TIMELESS: variants seen among roughly 807,000 people sequenced by gnomAD.
The protein encoded by TIMELESS is protein timeless homolog.
TIMELESS carries 124 observed loss-of-function variants against 164.3 expected under a neutral mutation model. The ratio of observed to expected loss-of-function variants is 0.75; its 90% CI spans 0.65 to 0.88. TIMELESS has a LOEUF of 0.88. TIMELESS is among the 40% of genes least tolerant of loss of function. The probability of loss-of-function intolerance (pLI) is 0.00; values close to 1 mark genes in which losing one functional copy is unlikely to be tolerated. For synonymous variants in TIMELESS, 564 were observed against 563.4 expected (o/e 1.00, Z -0.02); for missense variants, 1,422 against 1,491.4 (o/e 0.95, Z 0.77).
intron 1 of TIMELESS, among the ~76,000 whole-genome samples, chr12:56,448,609 A>G (rs1868436234): frequency 6.6e-6 from 1 of 150,746 alleles, no homozygotes; most frequent in African/African-American, 2.4e-5. Context: ...CGCGCCTGTA[A>G]TCCCAGCTAC....
At chr12:56,420,029 A>AATATATATATATAT (rs1555176448) in intron 26 of TIMELESS, among the ~76,000 whole-genome samples, 3 of 75,188 alleles carry the variant, frequency 4.0e-5, no homozygotes, top group African/African-American at 2.0e-4. Context: ...AAAAAAAAAA[A>AATATATATATATAT]ATATATATAT....
intron 19 of TIMELESS, 34 bp downstream of exon 19, chr12:56,422,813 A>C (rs1592244901): frequency 2.8e-5 from 38 of 1,356,938 alleles, no homozygotes; most frequent in Non-Finnish European, 3.5e-5. Flanking sequence ...AACTTCCCCT[A>C]CCCCCACCCA....
chr12:56,435,912 T>C (rs933693325), intron 1 of TIMELESS, among the ~76,000 whole-genome samples: 4 of 149,698 alleles, frequency 2.7e-5, no homozygotes, highest in African/African-American at 4.9e-5. Context: ...TGAGCAGAGA[T>C]TGTACCACTG....
In TIMELESS at chr12:56,430,297, G is replaced by A. The variant is rs999938680; in HGVS notation, c.910-16C>T. 3.1e-6 allele frequency: 5 copies of A among 1,607,644 alleles called. No homozygotes were observed. In the African/African-American group the frequency reaches 5.4e-5, roughly 17 times the overall value. The stretch of plus-strand genomic sequence containing the variant: ...AGTTTCGTAGCTGGGTGTGTCGGTT[G>A]GGGGATTAGAATTACTCCTAAATAC... On this transcript the variant is annotated splice_polypyrimidine_tract_variant and intron_variant, in intron 9 of 28. Coordinates refer to ENST00000553532, the MANE Select transcript of TIMELESS (RefSeq NM_003920.5).
intron 26 of TIMELESS, among the ~76,000 whole-genome samples, chr12:56,419,457 G>GGCGTGT: frequency 2.7e-5 from 1 of 36,976 alleles, no homozygotes; most frequent in South Asian, 1.5e-3. Context: ...TAAGACAGAT[G>GGCGTGT]GAGTGTGTGT....
At chr12:56,435,383 G>C (rs1016402643) in intron 1 of TIMELESS, among the ~76,000 whole-genome samples, 3 of 151,934 alleles carry the variant, frequency 2.0e-5, no homozygotes, top group African/African-American at 7.3e-5. Context: ...AAGAGAAACA[G>C]GGTTTCACTC....
rs1385766035 is a variant in TIMELESS at position 56,423,875 on chromosome 12, C to T, written c.1888G>A (p.Asp630Asn). ...GAAATGTCTTGAGAGCCAAACACAT[C>T]TCCTTCAGGCCACACCTCCCTGGAG... ...RSAREVWPEG[D>N]VFGSQDISPE... is the part of the protein sequence containing the mutation. Residue 630 changes from aspartate (D) to asparagine (N), a missense_variant, in exon 16 of 29, where the codon GAT (aspartate) becomes AAT (asparagine). Transcript: ENST00000553532. The T allele has an allele frequency of 1.2e-6, 2 of 1,614,062 alleles. No individual in the cohort carries two copies. Among genetic ancestry groups the T allele is most frequent in the East Asian group, 4.5e-5 (2 of 44,902 alleles).
chr12:56,440,603 C>T (rs1415766219), intron 1 of TIMELESS, among the ~76,000 whole-genome samples: 2 of 152,164 alleles, frequency 1.3e-5, no homozygotes, highest in African/African-American at 4.8e-5. Flanking sequence ...GGTGGCTTAA[C>T]TAAATCTCTT....
Position 56,430,120 on chromosome 12 carries a change from G to A in TIMELESS, c.1071C>T (p.Leu357=), listed in dbSNP as rs1881821458. The A allele has an allele frequency of 3.1e-6, 5 of 1,612,558 alleles. No homozygotes were observed. Among genetic ancestry groups the A allele is most frequent in the Non-Finnish European group, 4.2e-6 (5 of 1,179,590 alleles). ...SEFLENCYNR[L]MGSVKDHLLR... ...AGGTTCTCACCTTTACTGATCCCAT[G>A]AGCCGGTTGTAACAGTTCTCCAGGA... is the stretch of plus-strand genomic sequence containing the variant. Residue 357 remains leucine (L), a synonymous_variant, in exon 10 of 29, where the codon CTC becomes CTT. Transcript: ENST00000553532.
chr12:56,440,927 C>T (rs1868265574), intron 1 of TIMELESS, among the ~76,000 whole-genome samples: 1 of 152,188 alleles, frequency 6.6e-6, no homozygotes, highest in African/African-American at 2.4e-5. Flanking sequence ...AAACTATTAT[C>T]GTGCCTCAGC....
chr12:56,421,648 G>A (rs1592244135), intron 22 of TIMELESS, 79 bp downstream of exon 22: 1 of 1,554,456 alleles, frequency 6.4e-7, no homozygotes, highest in Middle Eastern at 1.7e-4. Flanking sequence ...ATCTTTCCTT[G>A]GGAATAAAAG....
rs1881301334 is a variant in TIMELESS at position 56,417,460 on chromosome 12, G to C, written c.*256C>G. On this transcript the variant is annotated 3_prime_UTR_variant, in exon 29 of 29. Transcript: ENST00000553532. ...AGGAGCTCCAATAACCAAAAGAAATGGTTCCTAGAAGAAGAGAACTAAATC... is the reference window on the plus strand; with the variant it reads ...AGGAGCTCCAATAACCAAAAGAAATCGTTCCTAGAAGAAGAGAACTAAATC... 1.6e-5 allele frequency: 7 copies of C among 445,628 alleles called. 1 individual carries two copies. The South Asian group carries it at 2.4e-4, about 15-fold the overall frequency. 27.6% of individuals were successfully genotyped at this position (445,628 alleles called of 1,614,324 possible). A position where few individuals can be genotyped will look rare whatever the true frequency, so the allele number is the denominator to read the frequency against.
rs186902619 is a variant in TIMELESS, at chr12:56,430,125, G to A, written c.1066C>T (p.Arg356Trp). 7.3e-5 allele frequency: 117 copies of A among 1,613,236 alleles called. No individual in the cohort carries two copies. Among genetic ancestry groups the A allele is most frequent in the South Asian group, 2.2e-5 (2 of 90,956 alleles). Residue 356 changes from arginine to tryptophan, a missense_variant, in exon 10 of 29, where the codon CGG (arginine) becomes TGG (tryptophan). Transcript: ENST00000553532. Reference sequence around the variant, plus strand: ...CTCACCTTTACTGATCCCATGAGCCGGTTGTAACAGTTCTCCAGGAACTCA... The same window carrying A: ...CTCACCTTTACTGATCCCATGAGCCAGTTGTAACAGTTCTCCAGGAACTCA... Reference protein sequence around the residue: ...CSEFLENCYNRLMGSVKDHLL... With the variant: ...CSEFLENCYNWLMGSVKDHLL...
chr12:56,430,071 C>A, intron 10 of TIMELESS, 34 bp downstream of exon 10: 1 of 1,574,658 alleles, frequency 6.4e-7, no homozygotes, highest in Non-Finnish European at 8.6e-7. Flanking sequence ...CTATTCCATT[C>A]CTGATTATCT....
Position 56,421,451 on chromosome 12 carries a change from G to A in TIMELESS, c.2768C>T (p.Ser923Leu). The change falls in exon 23 of 29, where the codon TCA (serine) becomes TTA (leucine). Residue 923 changes from serine to leucine, a missense_variant. Ser to Leu is a moderately radical substitution (Grantham distance 145). Transcript: ENST00000553532. ...HIMKNITAKR[S>L]RARIVDKLLA... ...GAGTTTATCCACTATTCGGGCCCGT[G>A]AGCGTTTGGCTGTGATATTCTTCAT... is the stretch of plus-strand genomic sequence containing the variant. 6.2e-7 allele frequency: 1 copy of A among 1,614,080 alleles called. No individual in the cohort carries two copies. Among genetic ancestry groups the A allele is most frequent in the Non-Finnish European group, 8.5e-7 (1 of 1,179,988 alleles).
intron 1 of TIMELESS, among the ~76,000 whole-genome samples, 187 bp downstream of exon 1, chr12:56,449,123 G>T (rs1868472605): frequency 6.6e-6 from 1 of 152,286 alleles, no homozygotes. Flanking sequence ...GTGAGACCCG[G>T]GAACGCGGCG....
intron 1 of TIMELESS, among the ~76,000 whole-genome samples, chr12:56,445,377 G>A (rs1156337113): frequency 4.1e-5 from 5 of 120,574 alleles, no homozygotes; most frequent in East Asian, 2.8e-4. Flanking sequence ...AGCCGAGATC[G>A]CACCATTGCA....
chr12:56,418,456 T>C, intron 26 of TIMELESS, 97 bp from the exon 27 acceptor site: 1 of 831,094 alleles, frequency 1.2e-6, no homozygotes, highest in Non-Finnish European at 1.9e-6. Context: ...TTGGTGAAGA[T>C]CCACAAGGGT....
Position 56,434,041 on chromosome 12 carries a change from A to AT in TIMELESS, c.97+32dup, listed in dbSNP as rs746630553. 900 of 1,612,352 alleles carry AT rather than the reference A, an allele frequency of 5.6e-4. 4 individuals carry two copies. The highest frequency in any genetic ancestry group is 7.0e-4 in the Non-Finnish European group (820 of 1,178,590). On this transcript the variant is annotated intron_variant, in intron 2 of 28. Transcript: ENST00000553532. ...CAACAGACCTCCTTAATTCAAGCCA[A>AT]TTTTTTTCCTGTTTCATCAAAAAGG... is the stretch of plus-strand genomic sequence containing the variant.
Sources: allele counts gnomAD v4.1 joint callset (sites outside exome capture counted in the v4.1 genomes callset), GRCh38; gene constraint gnomAD v4.1.1; transcripts MANE v1.5; gene names NCBI Gene and HGNC (gene_info 2026-07-23, HGNC 2026-07-21).